Variants in ADGRV1 observed in about 807,000 individuals in gnomAD.
ADGRV1 encodes G-protein coupled receptor 98.
Under a neutral mutation model 596.2 loss-of-function variants are expected in ADGRV1, and 359 were observed. The observed-to-expected ratio is 0.60, with a 90% confidence interval of 0.55 to 0.66. The LOEUF (loss-of-function observed/expected upper bound fraction) is 0.66, where lower values mean the gene tolerates loss of function less well. Ranked by LOEUF, ADGRV1 falls within the 30% of genes least tolerant of loss-of-function variation. ADGRV1 has a pLI of 0.00. For synonymous variants in ADGRV1, 2,681 were observed against 2,679.2 expected, an observed-to-expected ratio of 1.00 and a Z score of -0.02; for missense variants, 7,274 against 7,575.6, an observed-to-expected ratio of 0.96 and a Z score of 1.48.
At chr5:90,598,985 A>G (rs1761058648) in intron 1 of ADGRV1, among the ~76,000 whole-genome samples, 2 of 151,826 alleles carry the variant, frequency 1.3e-5, no homozygotes, top group Non-Finnish European at 2.9e-5. Context: ...GCTGCATTTA[A>G]AACAAAAAAA....
chr5:90,978,226 C>T (rs2151021795), intron 84 of ADGRV1, among the ~76,000 whole-genome samples: 1 of 151,948 alleles, frequency 6.6e-6, no homozygotes, highest in Admixed American at 6.6e-5. Flanking sequence ...ACCCGGGAGG[C>T]GGAGCTTGCA....
intron 83 of ADGRV1, among the ~76,000 whole-genome samples, chr5:90,943,489 T>C (rs1776327252): frequency 6.6e-6 from 1 of 152,158 alleles, no homozygotes; most frequent in South Asian, 2.1e-4. Context: ...GACCCTCACC[T>C]TCTTGTCCTT....
chr5:90,632,739 T>C (rs1371317332), intron 9 of ADGRV1, among the ~76,000 whole-genome samples: 2 of 152,236 alleles, frequency 1.3e-5, no homozygotes, highest in African/African-American at 4.8e-5. Flanking sequence ...GATCCTGGGT[T>C]AGAAAGTTGC....
chr5:90,697,954 TAGAG>T lies in ADGRV1; in HGVS notation c.8155+812_8155+815del, dbSNP rs747908625. Reference sequence around the variant, plus strand: ...ATAGATGAGAAAACAAATTGAGACATAGAGAGATTAAAAGACTTGACAGTGTCAG... The same window carrying T: ...ATAGATGAGAAAACAAATTGAGACATAGATTAAAAGACTTGACAGTGTCAG... On this transcript the variant is annotated intron_variant, in intron 34 of 89. Transcript: ENST00000405460. Among the ~76,000 whole-genome samples, 316 of 152,278 alleles carry T rather than the reference TAGAG, an allele frequency of 2.1e-3. 1 individual carries two copies. Among genetic ancestry groups the T allele is most frequent in the Middle Eastern group, 3.4e-3 (1 of 294 alleles).
At chr5:90,732,178 G>GA (rs950700666) in intron 50 of ADGRV1, among the ~76,000 whole-genome samples, 3 of 151,850 alleles carry the variant, frequency 2.0e-5, no homozygotes, top group Non-Finnish European at 4.4e-5. Context: ...TTAAAAAAAA[G>GA]TTTTTTTTAA....
rs780364182 is a variant in ADGRV1, at chr5:90,985,519, A to G, written c.18149A>G (p.Asp6050Gly). The change falls in exon 85 of 90, where the codon GAC becomes GGC. Residue 6050 changes from aspartate to glycine, a missense_variant. Coordinates refer to ENST00000405460, the MANE Select transcript of ADGRV1 (RefSeq NM_032119.4). Reference protein sequence around the residue: ...MSQIYGLIHGDLCFIPNVYAA... With the variant: ...MSQIYGLIHGGLCFIPNVYAA... ...CAGATCTATGGACTCATTCATGGTG[A>G]CCTGTAAGTACACCCAGGCAACACA... The G allele has an allele frequency of 1.2e-6, 2 of 1,611,250 alleles. No homozygotes were observed. The highest frequency in any genetic ancestry group is 2.2e-5 in the South Asian group (2 of 90,904).
intron 85 of ADGRV1, among the ~76,000 whole-genome samples, chr5:91,006,022 C>T (rs1315653408): frequency 2.0e-5 from 3 of 152,200 alleles, no homozygotes; most frequent in African/African-American, 7.2e-5. Context: ...CATAGCCACT[C>T]ATGCCTGCTA....
intron 86 of ADGRV1, among the ~76,000 whole-genome samples, chr5:91,089,824 A>G (rs762352742): frequency 1.3e-5 from 2 of 152,208 alleles, no homozygotes; most frequent in Non-Finnish European, 2.9e-5. Context: ...AAATACAGAC[A>G]TAGGCAAGTT....
chr5:90,985,903 G>A (rs1193556535), intron 85 of ADGRV1, among the ~76,000 whole-genome samples: 2 of 151,906 alleles, frequency 1.3e-5, no homozygotes, highest in Non-Finnish European at 2.9e-5. Context: ...GGTGGGGGAT[G>A]GCAGCCACCA....
rs377560219 is a variant in ADGRV1, at chr5:90,972,393, T to A, written c.17973+6862T>A. The stretch of plus-strand genomic sequence containing the variant: ...GAACTCTCCACCCCAAATCAACAGA[T>A]TATACATTCTTCTCAGCACCACATC... On this transcript the variant is annotated intron_variant, in intron 84 of 89. Coordinates refer to ENST00000405460, the MANE Select transcript of ADGRV1 (RefSeq NM_032119.4). Among the ~76,000 whole-genome samples, 5 of 152,144 alleles carry A rather than the reference T, an allele frequency of 3.3e-5. 1 individual carries two copies. The highest frequency in any genetic ancestry group is 4.2e-4 in the South Asian group (2 of 4,808).
intron 36 of ADGRV1, 86 bp downstream of exon 36, chr5:90,704,574 A>T: frequency 2.7e-6 from 2 of 737,352 alleles, no homozygotes; most frequent in East Asian, 2.8e-5. Context: ...TAACAATTAG[A>T]TGCATACCAA....
chr5:90,643,997 T>C lies in ADGRV1; in HGVS notation c.2734+14T>C, dbSNP rs1767350417. ...CTATCTATAGTGGTAATTTATTCTG[T>C]GTCTTATATTGTATTTCTGTTTACT... is the stretch of plus-strand genomic sequence containing the variant. On this transcript the variant is annotated intron_variant, in intron 14 of 89. Coordinates refer to ENST00000405460, the MANE Select transcript of ADGRV1 (RefSeq NM_032119.4). 2.0e-6 allele frequency: 3 copies of C among 1,474,832 alleles called. No individual in the cohort carries two copies. The highest frequency in any genetic ancestry group is 1.8e-4 in the Middle Eastern group (1 of 5,592). The allele number at this position is 1,474,832 out of a possible 1,614,324, so 91.4% of individuals were successfully genotyped here.
At chr5:90,871,106 G>A (rs1418007252) in intron 83 of ADGRV1, among the ~76,000 whole-genome samples, 1 of 151,960 alleles carries the variant, frequency 6.6e-6, no homozygotes, top group Non-Finnish European at 1.5e-5. Context: ...AATCAATCAT[G>A]AAACAAATTT....
chr5:90,745,219 A>G lies in ADGRV1; in HGVS notation c.10723A>G (p.Ile3575Val). 1 of 1,610,196 alleles carries G rather than the reference A, an allele frequency of 6.2e-7. No homozygotes were observed. Among genetic ancestry groups the G allele is most frequent in the Non-Finnish European group, 8.5e-7 (1 of 1,179,272 alleles). ...AGCTCTAGTGGGAGCTCATTCACAT[A>G]TATATGAGCTAGCCTACATTTCCAG... ...LIALVGAHSH[I>V]YELAYISSHS... Residue 3575 changes from isoleucine (I) to valine (V), a missense_variant, in exon 51 of 90, where the codon ATA (isoleucine) becomes GTA (valine). By Grantham distance (29) the Ile-to-Val change is conservative. This residue lies in a region of ADGRV1 where 3,643 missense variants were observed against 3,809.2 expected (regional missense o/e 0.96). Transcript: ENST00000405460.
intron 11 of ADGRV1, 115 bp downstream of exon 11, chr5:90,638,063 A>C (rs1219265266): frequency 9.6e-6 from 7 of 728,386 alleles, no homozygotes; most frequent in African/African-American, 7.1e-5. Context: ...AAGTCAAGTA[A>C]ATAGTGTTAT....
chr5:91,105,025 T>TTTTG (rs563352412), intron 87 of ADGRV1, among the ~76,000 whole-genome samples: 3 of 151,890 alleles, frequency 2.0e-5, no homozygotes, highest in Non-Finnish European at 2.9e-5. Context: ...GCCTGGCTAA[T>TTTTG]TTTGTTTGTT....
intron 83 of ADGRV1, among the ~76,000 whole-genome samples, chr5:90,894,990 A>C (rs556348260): frequency 2.0e-5 from 3 of 152,030 alleles, no homozygotes; most frequent in Admixed American, 6.6e-5. Flanking sequence ...GTGCAGTGGC[A>C]TGATCACGGC....
intron 75 of ADGRV1, among the ~76,000 whole-genome samples, chr5:90,822,523 T>A (rs1763661459): frequency 6.6e-6 from 1 of 152,206 alleles, no homozygotes; most frequent in South Asian, 2.1e-4. Context: ...GCTGTTTTGG[T>A]TACTGTAGCC....
chr5:91,100,346 C>G (rs1791268009), intron 86 of ADGRV1, among the ~76,000 whole-genome samples: 1 of 152,038 alleles, frequency 6.6e-6, no homozygotes, highest in Non-Finnish European at 1.5e-5. Context: ...ATGGCTTGAG[C>G]CCAGGAGGTC....
Sources: allele counts gnomAD v4.1 joint callset (sites outside exome capture counted in the v4.1 genomes callset), GRCh38; gene constraint gnomAD v4.1.1; regional missense constraint gnomAD v4.1.1; transcripts MANE v1.5; gene names NCBI Gene and HGNC (gene_info 2026-07-23, HGNC 2026-07-21).